The following ANGPTL4 variants were observed in gnomAD, a reference collection of about 807,000 sequenced individuals.
ANGPTL4 encodes angiopoietin-related protein 4.
Under a neutral mutation model 39.2 loss-of-function variants are expected in ANGPTL4, and 39 were observed. That is an observed-to-expected ratio of 1.00 (90% CI 0.77 to 1.30). ANGPTL4 has a LOEUF of 1.30. Ranked by LOEUF, ANGPTL4 falls within the 50% of genes most tolerant of loss-of-function variation. The pLI is 0.00. For synonymous variants in ANGPTL4, 233 were observed against 229.5 expected (o/e 1.02, Z -0.14); for missense variants, 545 against 549.8 (o/e 0.99, Z 0.09).
chr19:8,364,467 T>C lies in ANGPTL4; in HGVS notation c.146T>C (p.Leu49Pro). The C allele has an allele frequency of 6.4e-7, 1 of 1,562,782 alleles. No homozygotes were observed. The highest frequency in any genetic ancestry group is 8.7e-7 in the Non-Finnish European group (1 of 1,155,288). ...DEMNVLAHGL[L>P]QLGQGLREHA... Reference sequence around the variant, plus strand: ...ATGAATGTCCTGGCGCACGGACTCCTGCAGCTCGGCCAGGGGCTGCGCGAA... The same window carrying C: ...ATGAATGTCCTGGCGCACGGACTCCCGCAGCTCGGCCAGGGGCTGCGCGAA... The change falls in exon 1 of 7, where the codon CTG (leucine) becomes CCG (proline). Residue 49 changes from leucine to proline, a missense_variant. By Grantham distance (98) the Leu-to-Pro change is moderately conservative. Coordinates refer to ENST00000301455, the MANE Select transcript of ANGPTL4 (RefSeq NM_139314.3).
At position 8,364,350 on chromosome 19, in the gene ANGPTL4, C is replaced by A; in HGVS notation, c.29C>A (p.Ala10Asp). Residue 10 changes from alanine to aspartate, a missense_variant, in exon 1 of 7, where the codon GCC becomes GAC. Transcript: ENST00000301455. ...AGCGGTGCTCCGACGGCCGGGGCAGCCCTGATGCTCTGCGCCGCCACCGCC... is the reference window on the plus strand; with the variant it reads ...AGCGGTGCTCCGACGGCCGGGGCAGACCTGATGCTCTGCGCCGCCACCGCC... MSGAPTAGA[A>D]LMLCAATAVL... The A allele has an allele frequency of 6.5e-7, 1 of 1,548,732 alleles. No individual in the cohort carries two copies. Among genetic ancestry groups the A allele is most frequent in the Non-Finnish European group, 8.7e-7 (1 of 1,151,536 alleles).
rs762675357 is a variant in ANGPTL4, at chr19:8,371,466, C to G, written c.983C>G (p.Thr328Ser). 1 of 1,613,314 alleles carries G rather than the reference C, an allele frequency of 6.2e-7. No homozygotes were observed. The highest frequency in any genetic ancestry group is 8.5e-7 in the Non-Finnish European group (1 of 1,180,024). The change falls in exon 6 of 7, where the codon ACT becomes AGT. Residue 328 changes from threonine (T) to serine (S), a missense_variant. Transcript: ENST00000301455. This position sits in a 1 kb window ranked among gnomAD's most constrained non-coding sequence, Gnocchi z 5.1. ...PPSGLSVPFS[T>S]WDQDHDLRRD... ...AGCGGCCTCTCCGTACCCTTCTCCACTTGGGACCAGGATCACGACCTCCGC... is the reference window on the plus strand; with the variant it reads ...AGCGGCCTCTCCGTACCCTTCTCCAGTTGGGACCAGGATCACGACCTCCGC...
At chr19:8,370,159 C>T (rs1323605288) in intron 4 of ANGPTL4, among the ~76,000 whole-genome samples, 1 of 152,054 alleles carries the variant, frequency 6.6e-6, no homozygotes, top group Admixed American at 6.6e-5. Flanking sequence ...GCTGAGATGA[C>T]GCCACCGCAC....
Position 8,373,358 on chromosome 19 carries a change from T to C in ANGPTL4, c.1040-347T>C, listed in dbSNP as rs926181264. 7.3e-5 allele frequency among the ~76,000 whole-genome samples: 11 copies of C among 150,586 alleles called. 1 individual carries two copies. Among genetic ancestry groups the C allele is most frequent in the African/African-American group, 1.2e-4 (5 of 40,938 alleles). On this transcript the variant is annotated intron_variant, in intron 6 of 6. Coordinates refer to ENST00000301455, the MANE Select transcript of ANGPTL4 (RefSeq NM_139314.3). ...AGGCAGAGGTGCAGTGAGCCGAGATTGTGCCACTGCACTCCAGCCTGGGAG... is the reference window on the plus strand; with the variant it reads ...AGGCAGAGGTGCAGTGAGCCGAGATCGTGCCACTGCACTCCAGCCTGGGAG...
chr19:8,366,421 C>G, intron 3 of ANGPTL4, 102 bp downstream of exon 3: 1 of 1,320,802 alleles, frequency 7.6e-7, no homozygotes, highest in Non-Finnish European at 1.1e-6. Flanking sequence ...AGAAGATGTC[C>G]TGGCCTGGAG....
Position 8,371,639 on chromosome 19 carries a change from C to G in ANGPTL4, c.1039+117C>G. On this transcript the variant is annotated intron_variant, in intron 6 of 6. Coordinates refer to ENST00000301455, the MANE Select transcript of ANGPTL4 (RefSeq NM_139314.3). The surrounding 1 kb of genome is among the most constrained non-coding windows in gnomAD (Gnocchi z 5.1). ...GTTTCCTGCCCCCACCTCTTCCTTA[C>G]ATGCCGTGTGTGTGATTGGGCCACT... is the stretch of plus-strand genomic sequence containing the variant. The G allele has an allele frequency of 1.4e-6, 2 of 1,439,812 alleles. No homozygotes were observed. Among genetic ancestry groups the G allele is most frequent in the African/African-American group, 2.8e-5 (2 of 71,472 alleles). The allele number at this position is 1,439,812 out of a possible 1,614,324, so 89.2% of individuals were successfully genotyped here. A position where few individuals can be genotyped will look rare whatever the true frequency, so the allele number is the denominator to read the frequency against.
chr19:8,367,089 G>A (rs1035873409), intron 3 of ANGPTL4, among the ~76,000 whole-genome samples: 6 of 152,022 alleles, frequency 3.9e-5, no homozygotes, highest in Non-Finnish European at 2.9e-5. Flanking sequence ...CAGCCAACTG[G>A]GTGAAAGTTT....
Position 8,366,973 on chromosome 19 carries a change from C to CA in ANGPTL4, c.547+655dup, listed in dbSNP as rs1226476250. Among the ~76,000 whole-genome samples the CA allele has an allele frequency of 8.8e-4, 133 of 151,728 alleles. 1 individual carries two copies. Among genetic ancestry groups the CA allele is most frequent in the Non-Finnish European group, 1.2e-4 (8 of 67,940 alleles). ...TCCCAAATCTCCGTTCATCTCGAAC[C>CA]ACAGCATGTCCACGTGTGTCCGATG... On this transcript the variant is annotated intron_variant, in intron 3 of 6. Transcript: ENST00000301455.
chr19:8,365,914 G>A, intron 1 of ANGPTL4, 40 bp from the exon 2 acceptor site: 2 of 1,519,664 alleles, frequency 1.3e-6, no homozygotes, highest in East Asian at 2.3e-5. Context: ...GGTTGGGGTA[G>A]GCAAGCTGGG....
chr19:8,370,665 G>A lies in ANGPTL4; in HGVS notation c.662-391G>A, dbSNP rs539339103. On this transcript the variant is annotated intron_variant, in intron 4 of 6. Transcript: ENST00000301455. ...CAGTGAGCTGAGATTGCGGCACTGC[G>A]ATCCAGCCTGGGCAACAGAGTGAGA... Among the ~76,000 whole-genome samples, 20 of 140,700 alleles carry A rather than the reference G, an allele frequency of 1.4e-4. No homozygotes were observed. The Admixed American group carries it at 1.5e-3, about 10-fold the overall frequency. 92.3% of individuals were successfully genotyped at this position (140,700 alleles called of 152,430 possible).
chr19:8,370,587 C>A (rs1971094709), intron 4 of ANGPTL4, among the ~76,000 whole-genome samples: 1 of 151,176 alleles, frequency 6.6e-6, no homozygotes, highest in Non-Finnish European at 1.5e-5. Context: ...GTGATTCCAG[C>A]TGCTTGTGGG....
intron 3 of ANGPTL4, among the ~76,000 whole-genome samples, chr19:8,366,564 T>C (rs1037689388): frequency 6.6e-6 from 1 of 152,142 alleles, no homozygotes; most frequent in Non-Finnish European, 1.5e-5. Flanking sequence ...GCCCTGCTGA[T>C]CACTGATTGG....
At position 8,371,478 on chromosome 19, in the gene ANGPTL4, A is replaced by G. The variant is rs1018504725; in HGVS notation, c.995A>G (p.Asp332Gly). Residue 332 changes from aspartate to glycine, a missense_variant, in exon 6 of 7, where the codon GAT (aspartate) becomes GGT (glycine). Asp to Gly is a moderately conservative substitution (Grantham distance 94). Coordinates refer to ENST00000301455, the MANE Select transcript of ANGPTL4 (RefSeq NM_139314.3). The surrounding 1 kb of genome is among the most constrained non-coding windows in gnomAD (Gnocchi z 5.1). Reference sequence around the variant, plus strand: ...GTACCCTTCTCCACTTGGGACCAGGATCACGACCTCCGCAGGGACAAGAAC... The same window carrying G: ...GTACCCTTCTCCACTTGGGACCAGGGTCACGACCTCCGCAGGGACAAGAAC... ...LSVPFSTWDQ[D>G]HDLRRDKNCA... 3.7e-6 allele frequency: 6 copies of G among 1,613,116 alleles called. No homozygotes were observed. Among genetic ancestry groups the G allele is most frequent in the Non-Finnish European group, 5.1e-6 (6 of 1,180,038 alleles).
Position 8,371,305 on chromosome 19 carries a change from C to T in ANGPTL4, c.822C>T (p.Ala274=), listed in dbSNP as rs138211096. Residue 274 remains alanine, a synonymous_variant, in exon 6 of 7, where the codon GCC becomes GCT. Transcript: ENST00000301455. This position sits in a 1 kb window ranked among gnomAD's most constrained non-coding sequence, Gnocchi z 5.1. ...CGGGGGACCGCAACAGCCGCCTGGC[C>T]GTGCAGCTGCGGGACTGGGATGGCA... ...SITGDRNSRL[A]VQLRDWDGNA... 59 of 1,613,892 alleles carry T rather than the reference C, an allele frequency of 3.7e-5. No homozygotes were observed. Among genetic ancestry groups the T allele is most frequent in the East Asian group, 1.6e-4 (7 of 44,872 alleles).
chr19:8,369,191 T>A (rs1302385871), intron 3 of ANGPTL4, 28 bp from the exon 4 acceptor site: 2 of 1,591,384 alleles, frequency 1.3e-6, no homozygotes, highest in African/African-American at 2.7e-5. Context: ...GCCCTCCTGT[T>A]TCAAGTCTCC....
At position 8,366,032 on chromosome 19, in the gene ANGPTL4, C is replaced by T. The variant is rs1166216231; in HGVS notation, c.397C>T (p.Gln133Ter). 7.4e-6 allele frequency: 12 copies of T among 1,614,028 alleles called. No homozygotes were observed. Among genetic ancestry groups the T allele is most frequent in the Non-Finnish European group, 1.0e-5 (12 of 1,180,026 alleles). The change falls in exon 2 of 7, where the codon CAG (glutamine) becomes TAG (stop). Residue 133 changes from glutamine (Q) to a stop codon, truncating the protein, a stop_gained. Coordinates refer to ENST00000301455, the MANE Select transcript of ANGPTL4 (RefSeq NM_139314.3). LOFTEE classifies it high-confidence loss of function. Reference protein sequence around the residue: ...VAQQQRHLEKQHLRIQHLQSQ... With the variant: ...VAQQQRHLEK ...CCAGCAGCAGCGGCACCTGGAGAAG[C>T]AGCACCTGCGAATTCAGCATCTGCA...
At chr19:8,373,385 T>TA (rs1971163322) in intron 6 of ANGPTL4, among the ~76,000 whole-genome samples, 1 of 147,560 alleles carries the variant, frequency 6.8e-6, no homozygotes, top group African/African-American at 2.5e-5. Flanking sequence ...GCCTGGGAGA[T>TA]AGAGTGAGAC....
chr19:8,364,320 G>C lies in ANGPTL4; in HGVS notation c.-2G>C. The C allele has an allele frequency of 6.5e-7, 1 of 1,543,034 alleles. No homozygotes were observed. The highest frequency in any genetic ancestry group is 8.7e-7 in the Non-Finnish European group (1 of 1,148,860). ...ATCCCCGCTCCCAGGCTACCTAAGA[G>C]GATGAGCGGTGCTCCGACGGCCGGG... On this transcript the variant is annotated 5_prime_UTR_variant, in exon 1 of 7. Coordinates refer to ENST00000301455, the MANE Select transcript of ANGPTL4 (RefSeq NM_139314.3).
chr19:8,367,060 C>T (rs1971021310), intron 3 of ANGPTL4, among the ~76,000 whole-genome samples: 1 of 152,138 alleles, frequency 6.6e-6, no homozygotes, highest in Non-Finnish European at 1.5e-5. Flanking sequence ...TCATCCTTCC[C>T]TGCATCTGTG....
Sources: gnomAD v4.1 joint callset for allele counts (sites outside exome capture counted in the v4.1 genomes callset) on GRCh38, gnomAD v4.1.1 for gene constraint, Gnocchi (gnomAD v3.1) non-coding constraint, MANE v1.5 for transcripts, NCBI Gene and HGNC (gene_info 2026-07-23, HGNC 2026-07-21) for gene names.